The following ADGRL3 variants were observed in gnomAD, a reference collection of about 807,000 sequenced individuals.
The protein encoded by ADGRL3 is adhesion G protein-coupled receptor L3.
In ADGRL3, 62 loss-of-function variants were observed where a neutral mutation model predicts 153.5. That is an observed-to-expected ratio of 0.40 (90% CI 0.33 to 0.50). ADGRL3 has a LOEUF of 0.50. Among genes scored for constraint, ADGRL3 ranks in the 20% least tolerant of loss-of-function variants. ADGRL3 has a pLI of 0.47. For synonymous variants in ADGRL3, 710 were observed against 672.5 expected (o/e 1.06, Z -0.86); for missense variants, 1,641 against 1,859.4 (o/e 0.88, Z 2.16).
chr4:61,928,021 T>C (rs955127814), intron 13 of ADGRL3, among the ~76,000 whole-genome samples: 2 of 150,920 alleles, frequency 1.3e-5, no homozygotes, highest in Admixed American at 6.6e-5. Context: ...AATGTTTAAA[T>C]GTAACTGTAT....
chr4:61,404,621 C>G (rs890093319), intron 2 of ADGRL3, among the ~76,000 whole-genome samples: 2 of 151,948 alleles, frequency 1.3e-5, no homozygotes, highest in African/African-American at 4.8e-5. Flanking sequence ...TGAGAACACT[C>G]TTTAAATATG....
chr4:61,711,458 T>TTATGTATATATATATA lies in ADGRL3; in HGVS notation c.584-19161_584-19160insGTATATATATATATAT, dbSNP rs1554009826. 2.0e-4 allele frequency among the ~76,000 whole-genome samples: 7 copies of TTATGTATATATATATA among 34,660 alleles called. No homozygotes were observed. The East Asian group carries it at 0.014, about 71-fold the overall frequency. 22.7% of individuals were successfully genotyped at this position (34,660 alleles called of 152,430 possible). On this transcript the variant is annotated intron_variant, in intron 6 of 26. Coordinates refer to ENST00000683033, the MANE Select transcript of ADGRL3 (RefSeq NM_001387552.1). ...ATACTATCTTAAAACATATGCTTCA[T>TTATGTATATATATATA]TATATATATATATATATATATATAT...
At chr4:61,412,308 G>A (rs889038566) in intron 2 of ADGRL3, among the ~76,000 whole-genome samples, 2 of 151,934 alleles carry the variant, frequency 1.3e-5, no homozygotes, top group African/African-American at 2.4e-5. Context: ...GTCTGGTCTC[G>A]AACTCCTGAG....
chr4:61,206,125 A>T (rs547550735), intron 1 of ADGRL3, among the ~76,000 whole-genome samples: 1 of 152,316 alleles, frequency 6.6e-6, no homozygotes, highest in East Asian at 1.9e-4. Flanking sequence ...GGTTCTATAG[A>T]CCTTGATAAA....
Position 61,355,505 on chromosome 4 carries a change from C to T in ADGRL3, c.-239-27619C>T, listed in dbSNP as rs370776439. Among the ~76,000 whole-genome samples, 28 of 152,178 alleles carry T rather than the reference C, an allele frequency of 1.8e-4. 1 individual carries two copies. Among genetic ancestry groups the T allele is most frequent in the African/African-American group, 6.3e-4 (26 of 41,550 alleles). On this transcript the variant is annotated intron_variant, in intron 1 of 26. Transcript: ENST00000683033. The stretch of plus-strand genomic sequence containing the variant: ...GGTCTGAAAGCATTTCCTAAATTCT[C>T]AGGTGATGGGGCATATCAAAATATG...
Position 61,733,034 on chromosome 4 carries a change from C to T in ADGRL3, c.879C>T (p.Thr293=). The change falls in exon 8 of 27, where the codon ACC becomes ACT. Residue 293 remains threonine (T), a synonymous_variant. Coordinates refer to ENST00000683033, the MANE Select transcript of ADGRL3 (RefSeq NM_001387552.1). The part of the protein sequence containing the change: ...DGALFFNKER[T]RNIVKFDLRT... Reference sequence around the variant, plus strand: ...CTTTGTTCTTCAACAAAGAGCGCACCAGGAACATAGTAAAGTTTGATTTGC... The same window carrying T: ...CTTTGTTCTTCAACAAAGAGCGCACTAGGAACATAGTAAAGTTTGATTTGC... 2 of 1,613,632 alleles carry T rather than the reference C, an allele frequency of 1.2e-6. No individual in the cohort carries two copies. The highest frequency in any genetic ancestry group is 2.2e-5 in the East Asian group (1 of 44,844).
chr4:61,775,018 G>A (rs1394036825), intron 8 of ADGRL3, among the ~76,000 whole-genome samples: 2 of 152,192 alleles, frequency 1.3e-5, no homozygotes, highest in Non-Finnish European at 2.9e-5. Flanking sequence ...CTAGTAGAGA[G>A]GAGAGAGGGG....
At chr4:61,817,935 A>C (rs2097706721) in intron 9 of ADGRL3, among the ~76,000 whole-genome samples, 2 of 152,146 alleles carry the variant, frequency 1.3e-5, no homozygotes, top group Non-Finnish European at 2.9e-5. Flanking sequence ...TGAGAGCTAC[A>C]ATGCAAGATG....
chr4:61,409,028 G>A (rs1376908884), intron 2 of ADGRL3, among the ~76,000 whole-genome samples: 1 of 151,126 alleles, frequency 6.6e-6, no homozygotes, highest in African/African-American at 2.4e-5. Flanking sequence ...AATCATTTTA[G>A]CTATGAGTTA....
chr4:61,480,626 T>TA (rs1560705528), intron 2 of ADGRL3, among the ~76,000 whole-genome samples: 1 of 151,358 alleles, frequency 6.6e-6, no homozygotes, highest in African/African-American at 2.4e-5. Flanking sequence ...CTACTAAAAA[T>TA]AAAAAAATTA....
At chr4:61,361,761 A>C (rs1368527939) in intron 1 of ADGRL3, among the ~76,000 whole-genome samples, 1 of 152,150 alleles carries the variant, frequency 6.6e-6, no homozygotes, top group Non-Finnish European at 1.5e-5. Context: ...GATGGTGAAG[A>C]CTATGAAAGA....
At chr4:61,546,740 T>C (rs745483973) in intron 4 of ADGRL3, among the ~76,000 whole-genome samples, 4 of 152,132 alleles carry the variant, frequency 2.6e-5, no homozygotes, top group Non-Finnish European at 5.9e-5. Flanking sequence ...ATGTTTAAAA[T>C]GCAGACTAAA....
intron 17 of ADGRL3, among the ~76,000 whole-genome samples, chr4:61,955,615 G>T (rs2098963136): frequency 6.6e-6 from 1 of 151,880 alleles, no homozygotes; most frequent in Non-Finnish European, 1.5e-5. Context: ...GTGCAGATTT[G>T]TTACATAGGT....
At chr4:61,584,132 ATTAAAAGTAAT>A (rs1468792311) in intron 4 of ADGRL3, among the ~76,000 whole-genome samples, 1 of 152,026 alleles carries the variant, frequency 6.6e-6, no homozygotes, top group Non-Finnish European at 1.5e-5. Flanking sequence ...TAGTAACATA[ATTAAAAGTAAT>A]TTAAATAGCT....
intron 1 of ADGRL3, among the ~76,000 whole-genome samples, chr4:61,345,331 A>G (rs1238373215): frequency 1.3e-5 from 2 of 152,226 alleles, no homozygotes; most frequent in Admixed American, 6.5e-5. Context: ...CAATTTTTCA[A>G]CTGTACATGA....
At chr4:62,001,715 T>C (rs2099140927) in intron 21 of ADGRL3, among the ~76,000 whole-genome samples, 1 of 152,154 alleles carries the variant, frequency 6.6e-6, no homozygotes, top group African/African-American at 2.4e-5. Context: ...CAAAATGGTA[T>C]AGTAAATGTG....
At chr4:61,730,163 C>T (rs56181833) in intron 6 of ADGRL3, among the ~76,000 whole-genome samples, 1,723 of 151,952 alleles carry the variant, frequency 0.011, 38 homozygotes, top group African/African-American at 0.038. Context: ...GTAGTTCCTT[C>T]TGAACAAATT....
chr4:61,532,327 G>C (rs2152959310), intron 4 of ADGRL3, among the ~76,000 whole-genome samples: 1 of 152,160 alleles, frequency 6.6e-6, no homozygotes, highest in African/African-American at 2.4e-5. Flanking sequence ...TTAATAACTT[G>C]GGACTCAGCT....
chr4:61,513,554 A>G (rs536121035), intron 3 of ADGRL3, among the ~76,000 whole-genome samples: 13 of 152,268 alleles, frequency 8.5e-5, no homozygotes, highest in African/African-American at 3.1e-4. Flanking sequence ...GTTATGAAAT[A>G]CTAATTTTAT....
Sources: gnomAD v4.1 joint callset for allele counts (sites outside exome capture counted in the v4.1 genomes callset) on GRCh38, gnomAD v4.1.1 for gene constraint, MANE v1.5 for transcripts, NCBI Gene and HGNC (gene_info 2026-07-23, HGNC 2026-07-21) for gene names.